The following TRAPPC12 variants were observed in gnomAD, a reference collection of about 807,000 sequenced individuals.
TRAPPC12 encodes trafficking protein particle complex subunit 12.
TRAPPC12 carries 61 observed loss-of-function variants against 69.2 expected under a neutral mutation model. The observed-to-expected ratio is 0.88, with a 90% CI of 0.72 to 1.09. The LOEUF (loss-of-function observed/expected upper bound fraction) is 1.09. Ranked by LOEUF, TRAPPC12 falls within the 50% of genes least tolerant of loss-of-function variation. The probability of loss-of-function intolerance (pLI) is 0.00; values close to 1 mark genes in which losing one functional copy is unlikely to be tolerated. For missense variants in TRAPPC12, 1,101 were observed against 1,016.4 expected (o/e 1.08, Z -1.13); for synonymous variants, 469 against 438.9 (o/e 1.07, Z -0.86).
chr2:3,431,925 A>G (rs1336403676), intron 5 of TRAPPC12, among the ~76,000 whole-genome samples: 1 of 152,124 alleles, frequency 6.6e-6, no homozygotes, highest in Non-Finnish European at 1.5e-5. Flanking sequence ...CCAGACCCCC[A>G]CCACCATCTT....
rs1662996936 is a variant in TRAPPC12, at chr2:3,424,683, T to C, written c.1417+20T>C. 1.3e-6 allele frequency: 2 copies of C among 1,564,036 alleles called. No homozygotes were observed. Among genetic ancestry groups the C allele is most frequent in the Non-Finnish European group, 1.7e-6 (2 of 1,157,864 alleles). ...GCAGGGGTAAGGCCATGGTATTTAA[T>C]ATTTGTACATTTGTCTGTGTGTCGC... On this transcript the variant is annotated intron_variant, in intron 5 of 11. Coordinates refer to ENST00000324266, the MANE Select transcript of TRAPPC12 (RefSeq NM_016030.6).
chr2:3,382,472 T>C (rs1202396671), intron 1 of TRAPPC12, among the ~76,000 whole-genome samples: 1 of 152,168 alleles, frequency 6.6e-6, no homozygotes, highest in African/African-American at 2.4e-5. Flanking sequence ...GGTATTTTGA[T>C]GTGTTATTTA....
At chr2:3,432,424 T>C (rs965159663) in intron 5 of TRAPPC12, among the ~76,000 whole-genome samples, 5 of 152,252 alleles carry the variant, frequency 3.3e-5, no homozygotes, top group African/African-American at 1.2e-4. Context: ...AATCATGAAA[T>C]TCACATTTTG....
rs759969906 is a variant in TRAPPC12, at chr2:3,443,839, A to T, written c.1478A>T (p.Asn493Ile). 6.2e-7 allele frequency: 1 copy of T among 1,613,962 alleles called. No homozygotes were observed. The highest frequency in any genetic ancestry group is 1.3e-5 in the African/African-American group (1 of 74,914). ...LHAELQQYLGNPQESLDRLHK... is the reference protein window; with the variant it reads ...LHAELQQYLGIPQESLDRLHK... ...GCGGAGCTTCAGCAGTACCTGGGGA[A>T]CCCACAGGAGTCGCTGGATAGACTG... is the stretch of plus-strand genomic sequence containing the variant. The change falls in exon 6 of 12, where the codon AAC becomes ATC. Residue 493 changes from asparagine to isoleucine, a missense_variant. Asn to Ile is a moderately radical substitution (Grantham distance 149, BLOSUM62 -3). Coordinates refer to ENST00000324266, the MANE Select transcript of TRAPPC12 (RefSeq NM_016030.6).
At chr2:3,459,651 G>A (rs899134581) in intron 7 of TRAPPC12, among the ~76,000 whole-genome samples, 4 of 152,352 alleles carry the variant, frequency 2.6e-5, no homozygotes, top group Admixed American at 6.5e-5. Context: ...GTCAGCCACC[G>A]TGTGGCAGCA....
chr2:3,452,174 C>G (rs1313782212), intron 6 of TRAPPC12, among the ~76,000 whole-genome samples: 1 of 152,032 alleles, frequency 6.6e-6, no homozygotes, highest in African/African-American at 2.4e-5. Flanking sequence ...GTCATACACC[C>G]GCTGAGTTCT....
At chr2:3,452,558 C>G (rs1293633882) in intron 6 of TRAPPC12, among the ~76,000 whole-genome samples, 1 of 152,210 alleles carries the variant, frequency 6.6e-6, no homozygotes, top group Non-Finnish European at 1.5e-5. Context: ...CCAGCCCGTC[C>G]TGGTGGTTGT....
At chr2:3,394,530 A>G (rs369039944) in intron 2 of TRAPPC12, among the ~76,000 whole-genome samples, 12 of 152,198 alleles carry the variant, frequency 7.9e-5, no homozygotes, top group African/African-American at 2.9e-4. Context: ...CTGAGGCAGG[A>G]GAATCACGTG....
intron 9 of TRAPPC12, among the ~76,000 whole-genome samples, chr2:3,476,735 G>C (rs1012224418): frequency 6.6e-6 from 1 of 152,218 alleles, no homozygotes; most frequent in Non-Finnish European, 1.5e-5. Context: ...AGTTAACTAG[G>C]CTGCTCAGTA....
intron 6 of TRAPPC12, among the ~76,000 whole-genome samples, chr2:3,446,408 T>A (rs1446504231): frequency 6.6e-6 from 1 of 152,222 alleles, no homozygotes; most frequent in African/African-American, 2.4e-5. Flanking sequence ...GACTTAAAAT[T>A]TGACACCCTC....
chr2:3,435,289 C>G (rs982281025), intron 5 of TRAPPC12, among the ~76,000 whole-genome samples: 1 of 152,110 alleles, frequency 6.6e-6, no homozygotes, highest in African/African-American at 2.4e-5. Context: ...GCTGGGATTA[C>G]AGGCGTGAGC....
intron 3 of TRAPPC12, among the ~76,000 whole-genome samples, chr2:3,419,913 G>A (rs1022328554): frequency 6.6e-6 from 1 of 152,240 alleles, no homozygotes; most frequent in Admixed American, 6.5e-5. Flanking sequence ...TGCTAGGGAA[G>A]GCAAGATGGC....
chr2:3,464,020 G>A (rs1665656966), intron 8 of TRAPPC12, among the ~76,000 whole-genome samples: 1 of 152,086 alleles, frequency 6.6e-6, no homozygotes, highest in Non-Finnish European at 1.5e-5. Flanking sequence ...GGGTGTGCAG[G>A]CCCCACAGCT....
intron 5 of TRAPPC12, among the ~76,000 whole-genome samples, chr2:3,429,353 CAAG>C (rs1188006095): frequency 3.9e-5 from 6 of 152,158 alleles, no homozygotes; most frequent in African/African-American, 1.4e-4. Context: ...GATGTCAAAA[CAAG>C]AAGAATAAAA....
chr2:3,458,925 T>A (rs543707607), intron 7 of TRAPPC12, among the ~76,000 whole-genome samples: 1 of 152,346 alleles, frequency 6.6e-6, no homozygotes, highest in East Asian at 1.9e-4. Context: ...TAAGAGAAGA[T>A]ATTCAGAATT....
At chr2:3,451,140 A>T (rs543787841) in intron 6 of TRAPPC12, among the ~76,000 whole-genome samples, 1 of 152,342 alleles carries the variant, frequency 6.6e-6, no homozygotes, top group East Asian at 1.9e-4. Context: ...ATATTCATTC[A>T]AGGCGTGTAA....
At chr2:3,453,337 C>T (rs1188068880) in intron 6 of TRAPPC12, among the ~76,000 whole-genome samples, 1 of 152,248 alleles carries the variant, frequency 6.6e-6, no homozygotes, top group East Asian at 1.9e-4. Flanking sequence ...TCGGGAACAG[C>T]TCCCAGGGAA....
At chr2:3,436,231 G>GA (rs552840605) in intron 5 of TRAPPC12, among the ~76,000 whole-genome samples, 199 of 151,878 alleles carry the variant, frequency 1.3e-3, no homozygotes, top group South Asian at 2.1e-3. Context: ...GTATTTCTGA[G>GA]AAAAAAAATA....
intron 8 of TRAPPC12, among the ~76,000 whole-genome samples, chr2:3,461,341 C>T (rs970844846): frequency 2.0e-5 from 3 of 152,262 alleles, no homozygotes; most frequent in East Asian, 1.9e-4. Context: ...ACGTGCAGCC[C>T]GCACCCCGGC....
Sources: allele counts gnomAD v4.1 joint callset (sites outside exome capture counted in the v4.1 genomes callset), GRCh38; gene constraint gnomAD v4.1.1; transcripts MANE v1.5; gene names NCBI Gene and HGNC (gene_info 2026-07-23, HGNC 2026-07-21).